Variants in TTC28 observed in about 807,000 individuals in gnomAD.
TTC28 encodes the protein tetratricopeptide repeat protein 28.
In TTC28, 61 loss-of-function variants were observed where a neutral mutation model predicts 198.0. The observed-to-expected ratio is 0.31, with a 90% CI of 0.25 to 0.38. TTC28 has a LOEUF of 0.38. Among genes scored for constraint, TTC28 ranks in the 10% least tolerant of loss-of-function variants. The probability of loss-of-function intolerance (pLI) is 1.00; values close to 1 mark genes in which losing one functional copy is unlikely to be tolerated. For missense variants in TTC28, 2,678 were observed against 3,164.0 expected (o/e 0.85, Z 3.69); for synonymous variants, 1,171 against 1,297.8 (o/e 0.90, Z 2.10).
chr22:28,629,908 G>A, intron 1 of TTC28, 78 bp from the exon 2 acceptor site: 9 of 1,260,228 alleles, frequency 7.1e-6, no homozygotes, highest in Non-Finnish European at 9.8e-6. Flanking sequence ...TTGGATGTCT[G>A]TCCCCTCCAG....
chr22:28,637,255 G>A (rs1051324543), intron 1 of TTC28, among the ~76,000 whole-genome samples: 3 of 151,982 alleles, frequency 2.0e-5, no homozygotes, highest in Non-Finnish European at 2.9e-5. Context: ...CAGGTGATCC[G>A]CCTGCCTCAG....
At chr22:28,599,412 C>T (rs2050601486) in intron 2 of TTC28, among the ~76,000 whole-genome samples, 1 of 152,198 alleles carries the variant, frequency 6.6e-6, no homozygotes, top group African/African-American at 2.4e-5. Context: ...GCTGAATGTC[C>T]ACAATCAGCT....
chr22:28,085,960 A>C (rs1941576569), intron 12 of TTC28, among the ~76,000 whole-genome samples: 1 of 152,192 alleles, frequency 6.6e-6, no homozygotes, highest in African/African-American at 2.4e-5. Flanking sequence ...AAGAAGAGCT[A>C]ACTATCCTAA....
intron 5 of TTC28, among the ~76,000 whole-genome samples, chr22:28,268,854 T>C (rs557239780): frequency 1.2e-4 from 18 of 152,220 alleles, no homozygotes; most frequent in Admixed American, 2.0e-4. Context: ...TTCAAAGTTA[T>C]TTAATTTCTA....
Position 28,098,899 on chromosome 22 carries a change from C to T in TTC28, c.3547+16G>A, listed in dbSNP as rs1325645006. On this transcript the variant is annotated intron_variant, in intron 10 of 22. Coordinates refer to ENST00000397906, the MANE Select transcript of TTC28 (RefSeq NM_001145418.2). ...TAGTGCACACGTAAGCAAGGAGTAA[C>T]CCCAGCTGTTCTCACCTAGGCTGAC... The T allele has an allele frequency of 6.4e-7, 1 of 1,551,132 alleles. No homozygotes were observed. Among genetic ancestry groups the T allele is most frequent in the African/African-American group, 1.4e-5 (1 of 73,050 alleles).
At chr22:28,421,492 T>C (rs1192049729) in intron 2 of TTC28, among the ~76,000 whole-genome samples, 1 of 152,208 alleles carries the variant, frequency 6.6e-6, no homozygotes, top group South Asian at 2.1e-4. Context: ...TGATGACTAA[T>C]GAGACTGGAA....
intron 12 of TTC28, among the ~76,000 whole-genome samples, chr22:28,084,882 G>A (rs531838014): frequency 4.1e-4 from 62 of 152,230 alleles, no homozygotes; most frequent in African/African-American, 1.3e-3. Context: ...CTCAGTAGTC[G>A]ATGCGATCAA....
intron 2 of TTC28, among the ~76,000 whole-genome samples, chr22:28,482,636 G>T (rs917200965): frequency 1.3e-5 from 2 of 152,128 alleles, no homozygotes; most frequent in African/African-American, 4.8e-5. Context: ...TTAGTACACT[G>T]TGCAATGCTG....
chr22:28,011,101 T>A (rs886619734), intron 14 of TTC28, among the ~76,000 whole-genome samples: 7 of 152,210 alleles, frequency 4.6e-5, no homozygotes, highest in Non-Finnish European at 1.0e-4. Context: ...CCTCAGATGC[T>A]TAAGTCCTTG....
intron 12 of TTC28, among the ~76,000 whole-genome samples, chr22:28,064,557 A>C: frequency 6.6e-6 from 1 of 152,266 alleles, no homozygotes; most frequent in Admixed American, 6.5e-5. Flanking sequence ...TTTTCTATAT[A>C]ATAAAGGTAA....
At chr22:28,210,654 T>C (rs894604359) in intron 5 of TTC28, among the ~76,000 whole-genome samples, 3 of 152,140 alleles carry the variant, frequency 2.0e-5, no homozygotes, top group Admixed American at 6.5e-5. Flanking sequence ...AGACCAAATC[T>C]ACGTCTGATT....
In TTC28 at chr22:28,107,803, C is replaced by G; in HGVS notation, c.2042G>C (p.Gly681Ala). The stretch of plus-strand genomic sequence containing the variant: ...ATTCAGCAGAGCCTTGAATGCTAGG[C>G]CCAAGTTGCAGTAGGCTTTTGCTTG... Reference protein sequence around the residue: ...LSQAKAYCNLGLAFKALLNFS... With the variant: ...LSQAKAYCNLALAFKALLNFS... The change falls in exon 7 of 23, where the codon GGC (glycine) becomes GCC (alanine). Residue 681 changes from glycine to alanine, a missense_variant. Gly to Ala is a moderately conservative substitution (Grantham distance 60). This residue lies in a region of TTC28 where 775 missense variants were observed against 845.9 expected (regional missense o/e 0.92). Coordinates refer to ENST00000397906, the MANE Select transcript of TTC28 (RefSeq NM_001145418.2). 6.4e-7 allele frequency: 1 copy of G among 1,551,994 alleles called. No individual in the cohort carries two copies. The highest frequency in any genetic ancestry group is 2.4e-5 in the East Asian group (1 of 40,920).
chr22:28,158,355 A>G (rs549037794), intron 6 of TTC28, among the ~76,000 whole-genome samples: 19 of 152,296 alleles, frequency 1.2e-4, no homozygotes, highest in Middle Eastern at 3.4e-3. Context: ...TATAGATTCA[A>G]TGCAATCCAT....
chr22:28,133,549 C>T (rs1943113830), intron 6 of TTC28, among the ~76,000 whole-genome samples: 1 of 152,228 alleles, frequency 6.6e-6, no homozygotes, highest in African/African-American at 2.4e-5. Flanking sequence ...GCAAACGGCA[C>T]ACCAGGAGAT....
At chr22:28,403,043 G>A (rs1181337079) in intron 2 of TTC28, among the ~76,000 whole-genome samples, 9 of 152,160 alleles carry the variant, frequency 5.9e-5, no homozygotes, top group East Asian at 1.9e-4. Flanking sequence ...TTTAACCTAC[G>A]GAAGTAGCCA....
chr22:28,615,792 A>AG (rs1601625641), intron 2 of TTC28, among the ~76,000 whole-genome samples: 1 of 11,098 alleles, frequency 9.0e-5, no homozygotes, highest in Middle Eastern at 0.05. Flanking sequence ...CGGGGCCTGT[A>AG]GGGGGGTGGG....
At chr22:28,482,238 C>T (rs2048259185) in intron 2 of TTC28, among the ~76,000 whole-genome samples, 1 of 72,464 alleles carries the variant, frequency 1.4e-5, no homozygotes. Flanking sequence ...TTTTTTGAGA[C>T]GGAGTCTCTC....
chr22:28,025,142 GAAGAAGCATC>G (rs1300922624), intron 13 of TTC28, among the ~76,000 whole-genome samples: 1 of 151,016 alleles, frequency 6.6e-6, no homozygotes, highest in Non-Finnish European at 1.5e-5. Context: ...GTTGTAGCAG[GAAGAAGCATC>G]AATCTATCAG....
At position 28,198,430 on chromosome 22, in the gene TTC28, T is replaced by C. The variant is rs1207364147; in HGVS notation, c.934-34831A>G. Among the ~76,000 whole-genome samples the C allele has an allele frequency of 3.9e-5, 6 of 152,182 alleles. No homozygotes were observed. In the East Asian group the frequency reaches 1.2e-3, roughly 29 times the overall value. ...TTTTTGCAGAAAAGTTGTCACATTATAGAAAAAAATTATAAAAATGTTAAA... is the reference window on the plus strand; with the variant it reads ...TTTTTGCAGAAAAGTTGTCACATTACAGAAAAAAATTATAAAAATGTTAAA... On this transcript the variant is annotated intron_variant, in intron 5 of 22. Coordinates refer to ENST00000397906, the MANE Select transcript of TTC28 (RefSeq NM_001145418.2).
Sources: allele counts gnomAD v4.1 joint callset (sites outside exome capture counted in the v4.1 genomes callset), GRCh38; gene constraint gnomAD v4.1.1; regional missense constraint gnomAD v4.1.1; transcripts MANE v1.5; gene names NCBI Gene and HGNC (gene_info 2026-07-23, HGNC 2026-07-21).